EPB41: variants seen among roughly 807,000 people sequenced by gnomAD.
EPB41 encodes the protein protein 4.1.
In EPB41, 65 loss-of-function variants were observed where a neutral mutation model predicts 108.0. That is an observed-to-expected ratio of 0.60 (90% CI 0.49 to 0.74). EPB41 has a LOEUF of 0.74. Among genes scored for constraint, EPB41 ranks in the 30% least tolerant of loss-of-function variants. The pLI is 0.00. For missense variants in EPB41, 875 were observed against 1,037.0 expected (o/e 0.84, Z 2.15); for synonymous variants, 336 against 358.9 (o/e 0.94, Z 0.72).
intron 1 of EPB41, among the ~76,000 whole-genome samples, chr1:28,905,937 C>T (rs1287915309): frequency 1.3e-5 from 2 of 151,752 alleles, no homozygotes; most frequent in African/African-American, 4.8e-5. Flanking sequence ...CCTGCCTCAG[C>T]CTCCAGAGTA....
intron 1 of EPB41, among the ~76,000 whole-genome samples, chr1:28,899,341 G>A (rs1056310233): frequency 2.0e-5 from 3 of 152,148 alleles, no homozygotes; most frequent in African/African-American, 4.8e-5. Flanking sequence ...CTGATCTAGG[G>A]ACTTGGAATA....
At chr1:28,919,591 G>A (rs975452582) in intron 1 of EPB41, among the ~76,000 whole-genome samples, 1 of 151,952 alleles carries the variant, frequency 6.6e-6, no homozygotes, top group Non-Finnish European at 1.5e-5. Flanking sequence ...AGCCTCCTGA[G>A]TAGCTGGGAC....
In EPB41 at chr1:28,997,234, A is replaced by G; in HGVS notation, c.701A>G (p.Asp234Gly). ...TTGCAGAAACATGCTAAGGGACAAG[A>G]TTTGCTTAAACGAGTATGTGAGCAT... is the stretch of plus-strand genomic sequence containing the variant. ...CVVEKHAKGQ[D>G]LLKRVCEHLN... The change falls in exon 4 of 21, where the codon GAT becomes GGT. Residue 234 changes from aspartate (D) to glycine (G), a missense_variant. Transcript: ENST00000343067. 6.2e-7 allele frequency: 1 copy of G among 1,613,958 alleles called. No homozygotes were observed. The highest frequency in any genetic ancestry group is 8.5e-7 in the Non-Finnish European group (1 of 1,179,826).
chr1:28,933,590 G>A (rs570688487), intron 1 of EPB41, among the ~76,000 whole-genome samples: 1 of 152,294 alleles, frequency 6.6e-6, no homozygotes, highest in African/African-American at 2.4e-5. Context: ...ATTGCATTTA[G>A]TGGTTATGTC....
rs140065972 is a variant in EPB41 at position 28,987,790 on chromosome 1, T to A, written c.353T>A (p.Phe118Tyr). The A allele has an allele frequency of 4.8e-5, 78 of 1,614,088 alleles. No individual in the cohort carries two copies. The African/African-American group carries it at 9.9e-4, about 20-fold the overall frequency. ...KGEGGQKEIE[F>Y]GTSLDEEIIL... ...GAAGGAGGTCAGAAAGAGATAGAAT[T>A]TGGAACCAGTCTTGATGAAGAGATC... Residue 118 changes from phenylalanine to tyrosine, a missense_variant, in exon 2 of 21, where the codon TTT (phenylalanine) becomes TAT (tyrosine). Physicochemically the swap from Phe to Tyr is conservative, Grantham distance 22. Around this residue, in one of 3 missense-constraint regions of EPB41, gnomAD observed 353 missense variants for 393.2 expected, o/e 0.90. Coordinates refer to ENST00000343067, the MANE Select transcript of EPB41 (RefSeq NM_001376013.1).
chr1:28,920,577 C>A (rs918867996), intron 1 of EPB41, among the ~76,000 whole-genome samples: 2 of 152,208 alleles, frequency 1.3e-5, no homozygotes, highest in South Asian at 4.1e-4. Context: ...AGAAAAGTTT[C>A]AAGTGAGAAA....
intron 16 of EPB41, among the ~76,000 whole-genome samples, chr1:29,067,918 T>C (rs904839416): frequency 1.3e-5 from 2 of 152,180 alleles, no homozygotes; most frequent in Non-Finnish European, 2.9e-5. Context: ...CTAGAGCATG[T>C]ATCCTGAACT....
At chr1:28,997,383 A>G (rs2096204414) in intron 4 of EPB41, 64 bp downstream of exon 4, 1 of 983,192 alleles carries the variant, frequency 1.0e-6, no homozygotes, top group South Asian at 1.3e-5. Flanking sequence ...TTTGTTGTTA[A>G]GAATGTATCT....
At chr1:29,089,702 G>A (rs1660498097) in intron 16 of EPB41, among the ~76,000 whole-genome samples, 1 of 152,182 alleles carries the variant, frequency 6.6e-6, no homozygotes, top group Admixed American at 6.6e-5. Flanking sequence ...GGAGTAATGG[G>A]GAGAAGGATA....
chr1:28,909,808 A>C (rs933111464), upstream of EPB41, among the ~76,000 whole-genome samples: 2 of 137,722 alleles, frequency 1.5e-5, no homozygotes, highest in Non-Finnish European at 3.3e-5. Context: ...AAAATAGATA[A>C]ATACAATAGA....
intron 1 of EPB41, among the ~76,000 whole-genome samples, chr1:28,984,664 T>A (rs1488382715): frequency 6.6e-6 from 1 of 151,842 alleles, no homozygotes; most frequent in Non-Finnish European, 1.5e-5. Flanking sequence ...ACTTAGGTTT[T>A]TTTTTTTTTT....
chr1:29,110,295 T>C (rs1668728618), intron 18 of EPB41, among the ~76,000 whole-genome samples: 1 of 146,468 alleles, frequency 6.8e-6, no homozygotes, highest in African/African-American at 2.5e-5. Context: ...CAGTAAGCCG[T>C]GATCATGCCA....
At position 29,081,245 on chromosome 1, in the gene EPB41, A is replaced by G. The variant is rs553888529; in HGVS notation, c.2184+16087A>G. On this transcript the variant is annotated intron_variant, in intron 16 of 20. Coordinates refer to ENST00000343067, the MANE Select transcript of EPB41 (RefSeq NM_001376013.1). ...TCTAACCAATTTAATTAGTCACTAC[A>G]ACAGATGTAGTTGTCACATCTGTTA... 8.5e-5 allele frequency among the ~76,000 whole-genome samples: 13 copies of G among 152,344 alleles called. No individual in the cohort carries two copies. In the East Asian group the frequency reaches 2.5e-3, roughly 29 times the overall value.
chr1:28,933,381 T>C (rs1013863650), intron 1 of EPB41, among the ~76,000 whole-genome samples: 1 of 152,240 alleles, frequency 6.6e-6, no homozygotes, highest in African/African-American at 2.4e-5. Flanking sequence ...GTAACTTATC[T>C]AAGGTCATGA....
At chr1:29,040,357 G>A (rs768983126) in intron 11 of EPB41, among the ~76,000 whole-genome samples, 1 of 151,716 alleles carries the variant, frequency 6.6e-6, no homozygotes, top group Non-Finnish European at 1.5e-5. Flanking sequence ...TCGGCCCACT[G>A]CAACCTCTGC....
intron 11 of EPB41, among the ~76,000 whole-genome samples, chr1:29,052,134 T>C (rs1573153193): frequency 6.6e-6 from 1 of 152,238 alleles, no homozygotes; most frequent in East Asian, 1.9e-4. Context: ...AAAACAACAA[T>C]TGGCTCTTTG....
At chr1:29,092,968 G>A (rs1247896752) in intron 16 of EPB41, among the ~76,000 whole-genome samples, 1 of 152,116 alleles carries the variant, frequency 6.6e-6, no homozygotes, top group African/African-American at 2.4e-5. Flanking sequence ...GGGCATTTAG[G>A]TTGATTTCAT....
At chr1:28,946,771 A>G (rs2094502854) in intron 1 of EPB41, among the ~76,000 whole-genome samples, 2 of 152,180 alleles carry the variant, frequency 1.3e-5, no homozygotes. Flanking sequence ...AAGATAGCTG[A>G]CTGGTTTAAA....
Position 29,050,738 on chromosome 1 carries a change from C to T in EPB41, c.1637-2366C>T, listed in dbSNP as rs549759448. Among the ~76,000 whole-genome samples, 578 of 151,978 alleles carry T rather than the reference C, an allele frequency of 3.8e-3. 6 individuals carry two copies. Among genetic ancestry groups the T allele is most frequent in the African/African-American group, 0.013 (533 of 41,440 alleles). On this transcript the variant is annotated intron_variant, in intron 11 of 20. Coordinates refer to ENST00000343067, the MANE Select transcript of EPB41 (RefSeq NM_001376013.1). Reference sequence around the variant, plus strand: ...TTGCCCAGGCTAGAGTGCAGTGGTACGATCTCGGCTCACTGCAAGCTCCAC... The same window carrying T: ...TTGCCCAGGCTAGAGTGCAGTGGTATGATCTCGGCTCACTGCAAGCTCCAC...
Sources: allele counts gnomAD v4.1 joint callset (sites outside exome capture counted in the v4.1 genomes callset), GRCh38; gene constraint gnomAD v4.1.1; regional missense constraint gnomAD v4.1.1; transcripts MANE v1.5; gene names NCBI Gene and HGNC (gene_info 2026-07-23, HGNC 2026-07-21).